GABRA1: variants seen among roughly 807,000 people sequenced by gnomAD.
The protein encoded by GABRA1 is gamma-aminobutyric acid receptor subunit alpha-1.
Under a neutral mutation model 48.9 loss-of-function variants are expected in GABRA1, and 9 were observed. The observed-to-expected ratio is 0.18, with a 90% CI of 0.11 to 0.32. The LOEUF (loss-of-function observed/expected upper bound fraction) is 0.32. GABRA1 is among the 10% of genes least tolerant of loss of function. The probability of loss-of-function intolerance (pLI) is 1.00; values close to 1 mark genes in which losing one functional copy is unlikely to be tolerated. For missense variants in GABRA1, 285 were observed against 553.8 expected (o/e 0.51, Z 4.87); for synonymous variants, 210 against 198.7 (o/e 1.06, Z -0.48).
intron 6 of GABRA1, among the ~76,000 whole-genome samples, chr5:161,881,324 TG>T (rs2113409099): frequency 6.6e-6 from 1 of 152,250 alleles, no homozygotes; most frequent in African/African-American, 2.4e-5. Flanking sequence ...CTATGTGAAG[TG>T]GGTGTTATAG....
chr5:161,882,535 C>G, intron 6 of GABRA1, 23 bp from the exon 7 acceptor site: 1 of 1,608,690 alleles, frequency 6.2e-7, no homozygotes, highest in Non-Finnish European at 8.5e-7. Context: ...ATATATGGAT[C>G]ATTTTCTACT....
chr5:161,853,301 C>T (rs541574492), intron 2 of GABRA1, among the ~76,000 whole-genome samples: 1 of 151,964 alleles, frequency 6.6e-6, no homozygotes, highest in African/African-American at 2.4e-5. Context: ...ACACAGGCTA[C>T]ATCTCCAACT....
intron 3 of GABRA1, among the ~76,000 whole-genome samples, chr5:161,859,738 T>C (rs2113330401): frequency 6.6e-6 from 1 of 151,924 alleles, no homozygotes; most frequent in Non-Finnish European, 1.5e-5. Context: ...TTTGTATTTA[T>C]ATTAAGAAAA....
chr5:161,879,854 T>A (rs1304960617), intron 6 of GABRA1, among the ~76,000 whole-genome samples: 2 of 152,140 alleles, frequency 1.3e-5, no homozygotes, highest in Non-Finnish European at 2.9e-5. Flanking sequence ...GTAACACATT[T>A]TTCCCCCTCT....
intron 3 of GABRA1, among the ~76,000 whole-genome samples, chr5:161,856,591 TA>T (rs1757653132): frequency 6.6e-6 from 1 of 151,394 alleles, no homozygotes; most frequent in South Asian, 2.1e-4. Flanking sequence ...ATTTTTATTC[TA>T]AACATCCTAT....
intron 4 of GABRA1, among the ~76,000 whole-genome samples, chr5:161,868,270 T>C (rs568315177): frequency 6.6e-6 from 1 of 152,224 alleles, no homozygotes; most frequent in Non-Finnish European, 1.5e-5. Context: ...CACCCAGTCA[T>C]AGGCAGTGTT....
intron 6 of GABRA1, among the ~76,000 whole-genome samples, chr5:161,878,148 A>T (rs1419780435): frequency 6.6e-6 from 1 of 152,184 alleles, no homozygotes; most frequent in African/African-American, 2.4e-5. Context: ...TATTGAATGG[A>T]TAAAGGTTAC....
chr5:161,893,445 C>A (rs1755210882), intron 8 of GABRA1, among the ~76,000 whole-genome samples: 1 of 152,108 alleles, frequency 6.6e-6, no homozygotes, highest in Non-Finnish European at 1.5e-5. Context: ...TTGAACTCAG[C>A]ACATTTTTTT....
chr5:161,897,571 C>G lies in GABRA1; in HGVS notation c.*149C>G. The G allele has an allele frequency of 2.5e-6, 2 of 788,122 alleles. No homozygotes were observed. The highest frequency in any genetic ancestry group is 4.1e-6 in the Non-Finnish European group (2 of 493,624). The allele number at this position is 788,122 out of a possible 1,614,324, so 48.8% of individuals were successfully genotyped here. On this transcript the variant is annotated 3_prime_UTR_variant, in exon 10 of 10. Coordinates refer to ENST00000393943, the MANE Select transcript of GABRA1 (RefSeq NM_001127644.2). ...ATAATTCATTTAAGAACAAGAGACC[C>G]CTGTCTGGCAGTCTGGAGCAAAGCA...
intron 6 of GABRA1, among the ~76,000 whole-genome samples, chr5:161,880,799 T>A (rs1359260984): frequency 6.6e-6 from 1 of 152,158 alleles, no homozygotes; most frequent in Non-Finnish European, 1.5e-5. Context: ...ACATCTTTTT[T>A]CAGACAGCCT....
chr5:161,871,239 G>A (rs1754107917), intron 4 of GABRA1, among the ~76,000 whole-genome samples: 2 of 151,906 alleles, frequency 1.3e-5, no homozygotes, highest in African/African-American at 4.8e-5. Flanking sequence ...AAACCTCTTT[G>A]GAGCAAGCAA....
chr5:161,884,290 G>A (rs536572092), intron 7 of GABRA1, among the ~76,000 whole-genome samples: 1 of 152,150 alleles, frequency 6.6e-6, no homozygotes, highest in South Asian at 2.1e-4. Context: ...TTATAAGCTG[G>A]ATATAATGGC....
In GABRA1 at chr5:161,881,112, A is replaced by T. The variant is rs113182497; in HGVS notation, c.560-1446A>T. ...AATATTTTTGTGGCCTCCTAAAAGT[A>T]TTGAGGGCCTCAGGCCCTGTGCCTA... On this transcript the variant is annotated intron_variant, in intron 6 of 9. Transcript: ENST00000393943. Among the ~76,000 whole-genome samples the T allele has an allele frequency of 5.1e-3, 784 of 152,326 alleles. 5 individuals are homozygous for T. Among genetic ancestry groups the T allele is most frequent in the African/African-American group, 0.017 (725 of 41,570 alleles).
intron 6 of GABRA1, among the ~76,000 whole-genome samples, chr5:161,879,500 ACT>A (rs1754516114): frequency 6.6e-6 from 1 of 151,876 alleles, no homozygotes; most frequent in Admixed American, 6.6e-5. Flanking sequence ...GTAGCTGAAG[ACT>A]CTTTTTAATC....
intron 2 of GABRA1, among the ~76,000 whole-genome samples, chr5:161,852,424 C>T (rs2113299974): frequency 1.3e-5 from 2 of 152,032 alleles, no homozygotes; most frequent in South Asian, 4.2e-4. Flanking sequence ...CCTCAGAGTT[C>T]CCGATCAGGG....
At chr5:161,884,010 C>T (rs1469250543) in intron 7 of GABRA1, among the ~76,000 whole-genome samples, 2 of 151,944 alleles carry the variant, frequency 1.3e-5, no homozygotes, top group Non-Finnish European at 2.9e-5. Context: ...CGCTTAGAAG[C>T]TTTGTGACTT....
intron 3 of GABRA1, 96 bp from the exon 4 acceptor site, chr5:161,865,625 G>A: frequency 2.1e-6 from 2 of 966,416 alleles, no homozygotes; most frequent in South Asian, 2.6e-5. Context: ...GCTAATCAAA[G>A]ACAATCAATT....
At chr5:161,854,414 G>C in intron 3 of GABRA1, 144 bp downstream of exon 3, 1 of 667,068 alleles carries the variant, frequency 1.5e-6, no homozygotes, top group South Asian at 1.7e-5. Flanking sequence ...ATCACTCTAT[G>C]TTAATTCAAG....
intron 5 of GABRA1, 36 bp downstream of exon 5, chr5:161,873,373 T>C (rs991607679): frequency 2.7e-6 from 4 of 1,492,700 alleles, no homozygotes; most frequent in Non-Finnish European, 3.7e-6. Flanking sequence ...TGAATGTTTC[T>C]GTACTTCATT....
Sources: allele counts gnomAD v4.1 joint callset (sites outside exome capture counted in the v4.1 genomes callset), GRCh38; gene constraint gnomAD v4.1.1; transcripts MANE v1.5; gene names NCBI Gene and HGNC (gene_info 2026-07-23, HGNC 2026-07-21).